GABRG3: variants seen among roughly 807,000 people sequenced by gnomAD.
GABRG3 encodes gamma-aminobutyric acid receptor subunit gamma-3.
A neutral mutation model predicts 48.8 loss-of-function variants in GABRG3; 25 were observed. The ratio of observed to expected loss-of-function variants is 0.51; its 90% confidence interval spans 0.37 to 0.72. The LOEUF (loss-of-function observed/expected upper bound fraction) is 0.72, where lower values mean the gene tolerates loss of function less well. Among genes scored for constraint, GABRG3 ranks in the 30% least tolerant of loss-of-function variants. The pLI, the probability that GABRG3 is intolerant of heterozygous loss-of-function variation, is 0.00. For missense variants in GABRG3, 394 were observed against 577.9 expected (o/e 0.68, Z 3.26); for synonymous variants, 227 against 217.6 (o/e 1.04, Z -0.38).
chr15:27,176,638 G>A (rs979951667), intron 3 of GABRG3, among the ~76,000 whole-genome samples: 3 of 152,208 alleles, frequency 2.0e-5, no homozygotes, highest in African/African-American at 4.8e-5. Flanking sequence ...AGGCTGCCCA[G>A]AAGAGGTGAC....
rs967254197 is a variant in GABRG3, at chr15:27,539,116, T to C, written c.*6235T>C. 9.9e-5 allele frequency: 15 copies of C among 152,204 alleles called. No individual in the cohort carries two copies. The highest frequency in any genetic ancestry group is 8.5e-4 in the Admixed American group (13 of 15,280). The allele number at this position is 152,204 out of a possible 1,614,324, so 9.4% of individuals were successfully genotyped here. ...GGAACCTGTGGACCCTGGAGCTAAG[T>C]TGTCATTTTAGGGACATGGTGATAA... is the stretch of plus-strand genomic sequence containing the variant. On this transcript the variant is annotated 3_prime_UTR_variant, in exon 10 of 10. Transcript: ENST00000615808.
At chr15:27,379,668 AG>A (rs1428742346) in intron 5 of GABRG3, among the ~76,000 whole-genome samples, 2 of 152,088 alleles carry the variant, frequency 1.3e-5, no homozygotes, top group African/African-American at 4.8e-5. Flanking sequence ...TCATTTTTGA[AG>A]GGTAGTTTTC....
rs142107615 is a variant in GABRG3 at position 27,337,973 on chromosome 15, G to A, written c.574+9085G>A. Among the ~76,000 whole-genome samples the A allele has an allele frequency of 6.4e-4, 98 of 152,282 alleles. 2 individuals carry two copies. The highest frequency in any genetic ancestry group is 3.4e-3 in the Middle Eastern group (1 of 294). ...GGAAGATACCTTCAAGTGCAACGCC[G>A]TCTCTGAATCAACTAGGACTGTTAT... On this transcript the variant is annotated intron_variant, in intron 5 of 9. Transcript: ENST00000615808.
At chr15:27,452,615 G>T (rs1380747325) in intron 5 of GABRG3, among the ~76,000 whole-genome samples, 3 of 152,188 alleles carry the variant, frequency 2.0e-5, no homozygotes, top group African/African-American at 7.2e-5. Context: ...AAACCAGAAA[G>T]TGGAAGTAAG....
intron 4 of GABRG3, among the ~76,000 whole-genome samples, chr15:27,327,439 G>A (rs1017702375): frequency 7.2e-5 from 11 of 152,148 alleles, no homozygotes; most frequent in Non-Finnish European, 1.6e-4. Context: ...CAGCTCCCCT[G>A]GAGTGTGTCC....
intron 3 of GABRG3, among the ~76,000 whole-genome samples, chr15:27,122,406 A>C (rs1408748144): frequency 1.3e-5 from 2 of 152,240 alleles, no homozygotes; most frequent in Non-Finnish European, 2.9e-5. Flanking sequence ...TGACAGTTGA[A>C]GAAAGTGAAG....
intron 3 of GABRG3, among the ~76,000 whole-genome samples, chr15:27,103,236 C>T (rs1897390964): frequency 1.3e-5 from 2 of 152,152 alleles, no homozygotes; most frequent in African/African-American, 4.8e-5. Context: ...ACATATTTTC[C>T]CTGTACTGAC....
Position 27,353,313 on chromosome 15 carries a change from C to T in GABRG3, c.574+24425C>T, listed in dbSNP as rs147349380. Among the ~76,000 whole-genome samples the T allele has an allele frequency of 6.2e-3, 943 of 152,224 alleles. 4 individuals are homozygous for T. The highest frequency in any genetic ancestry group is 0.021 in the African/African-American group (865 of 41,536). ...CTCCTGCATAGGCTCAGCCACAGGG[C>T]GCATGTGTGTCCTACACTTGCTGGG... On this transcript the variant is annotated intron_variant, in intron 5 of 9. Transcript: ENST00000615808.
chr15:27,373,888 A>G (rs1437787519), intron 5 of GABRG3, among the ~76,000 whole-genome samples: 2 of 152,054 alleles, frequency 1.3e-5, no homozygotes, highest in East Asian at 3.9e-4. Context: ...TTTTTCTCTG[A>G]AACACTATTA....
intron 2 of GABRG3, among the ~76,000 whole-genome samples, chr15:27,003,757 G>A (rs1257202952): frequency 6.6e-6 from 1 of 152,018 alleles, no homozygotes; most frequent in East Asian, 2.0e-4. Flanking sequence ...CAGACGGGGT[G>A]GTGGCCTGGC....
chr15:27,481,879 T>TTC (rs1890108480), intron 6 of GABRG3, among the ~76,000 whole-genome samples: 1 of 152,178 alleles, frequency 6.6e-6, no homozygotes, highest in African/African-American at 2.4e-5. Context: ...CCTACCTTAG[T>TTC]AATGTAATTC....
At chr15:27,167,197 C>T (rs1051032613) in intron 3 of GABRG3, among the ~76,000 whole-genome samples, 11 of 152,174 alleles carry the variant, frequency 7.2e-5, no homozygotes, top group Admixed American at 2.0e-4. Flanking sequence ...AGCCCATGCC[C>T]GAGGTCCCCT....
At chr15:27,478,032 G>C (rs1889996987) in intron 5 of GABRG3, among the ~76,000 whole-genome samples, 1 of 149,884 alleles carries the variant, frequency 6.7e-6, no homozygotes, top group African/African-American at 2.5e-5. Context: ...GGGTGACAGA[G>C]GGAGACTCCA....
intron 3 of GABRG3, among the ~76,000 whole-genome samples, chr15:27,227,003 A>G (rs1258179966): frequency 5.9e-5 from 9 of 152,054 alleles, no homozygotes; most frequent in Non-Finnish European, 1.3e-4. Context: ...GATATCAGGG[A>G]AAAAAAACTG....
At chr15:27,062,466 T>G (rs7495742) in intron 3 of GABRG3, among the ~76,000 whole-genome samples, 90,916 of 132,848 alleles carry the variant, frequency 0.68, 32,900 homozygotes, top group Non-Finnish European at 0.81. Context: ...AAATTAGCCT[T>G]GCATGATGGC....
At chr15:27,249,094 A>C (rs1242658319) in intron 3 of GABRG3, among the ~76,000 whole-genome samples, 15 of 152,110 alleles carry the variant, frequency 9.9e-5, no homozygotes, top group Non-Finnish European at 1.5e-5. Context: ...AATATTCAAC[A>C]CGCGACCTGG....
intron 5 of GABRG3, among the ~76,000 whole-genome samples, chr15:27,346,098 G>GA (rs375722723): frequency 0.98 from 130,578 of 132,612 alleles, 64,586 homozygotes; most frequent in South Asian, 1. Flanking sequence ...AAGAAAGAAA[G>GA]GAAAGAAAGA....
intron 3 of GABRG3, among the ~76,000 whole-genome samples, chr15:27,050,710 T>C (rs1896441902): frequency 6.6e-6 from 1 of 152,074 alleles, no homozygotes; most frequent in South Asian, 2.1e-4. Flanking sequence ...AAGTTATTTT[T>C]ATAAACTTTT....
chr15:27,123,889 G>C (rs555358657), intron 3 of GABRG3, among the ~76,000 whole-genome samples: 1 of 152,272 alleles, frequency 6.6e-6, no homozygotes, highest in Admixed American at 6.5e-5. Flanking sequence ...GGTCACTCAA[G>C]GGGTTAAGGA....
Sources: allele counts gnomAD v4.1 joint callset (sites outside exome capture counted in the v4.1 genomes callset), GRCh38; gene constraint gnomAD v4.1.1; transcripts MANE v1.5; gene names NCBI Gene and HGNC (gene_info 2026-07-23, HGNC 2026-07-21).